Variants in C6orf62 observed in about 807,000 individuals in gnomAD.
The protein encoded by C6orf62 is chromosome 6 open reading frame 62, also known as uncharacterized protein C6orf62.
Under a neutral mutation model 26.8 loss-of-function variants are expected in C6orf62, and 16 were observed. The ratio of observed to expected loss-of-function variants is 0.60; its 90% CI spans 0.40 to 0.91. C6orf62 has a LOEUF of 0.91. C6orf62 is among the 40% of genes least tolerant of loss of function. C6orf62 has a pLI of 0.00. For missense variants in C6orf62, 192 were observed against 271.4 expected, an observed-to-expected ratio of 0.71 and a Z score of 2.06; for synonymous variants, 112 against 91.5, an observed-to-expected ratio of 1.22 and a Z score of -1.28.
rs9689598 is a variant in C6orf62 at position 24,717,597 on chromosome 6, T to C, written c.129+943A>G. Among the ~76,000 whole-genome samples the C allele has an allele frequency of 1.1e-3, 168 of 152,306 alleles. 1 individual carries two copies. Among genetic ancestry groups the C allele is most frequent in the African/African-American group, 3.7e-3 (154 of 41,572 alleles). On this transcript the variant is annotated intron_variant, in intron 1 of 4. Coordinates refer to ENST00000378119, the MANE Select transcript of C6orf62 (RefSeq NM_030939.5). Reference sequence around the variant, plus strand: ...TCACTTTAGCCCAGGAGTTCAAGACTAGCCTGGGCAATACAGTGAGGCCTG... The same window carrying C: ...TCACTTTAGCCCAGGAGTTCAAGACCAGCCTGGGCAATACAGTGAGGCCTG...
At position 24,706,221 on chromosome 6, in the gene C6orf62, G is replaced by A. The variant is rs1779006635; in HGVS notation, c.606C>T (p.Ile202=). 1.9e-6 allele frequency: 3 copies of A among 1,614,120 alleles called. No homozygotes were observed. Among genetic ancestry groups the A allele is most frequent in the Non-Finnish European group, 2.5e-6 (3 of 1,180,052 alleles). The change falls in exon 5 of 5, where the codon ATC becomes ATT. Residue 202 remains isoleucine, a synonymous_variant. Coordinates refer to ENST00000378119, the MANE Select transcript of C6orf62 (RefSeq NM_030939.5). ...GCTGTTCCTGTGGCAGGTAGAGGCA[G>A]ATGCTGCATAACTTGAAGATTGTAG... The part of the protein sequence containing the change: ...NKATIFKLCS[I]CLYLPQEQLT...
At chr6:24,707,219 A>G (rs1400247300) in intron 4 of C6orf62, 2 of 152,184 alleles carry the variant, frequency 1.3e-5, no homozygotes, top group Non-Finnish European at 2.9e-5. Context: ...TAGGATTATC[A>G]TTTGTTCAAT....
At chr6:24,719,616 C>G (rs987631167), upstream of C6orf62, 82 of 1,428,794 alleles carry the variant, frequency 5.7e-5, no homozygotes, top group Non-Finnish European at 7.3e-5. Context: ...GTGGTTAGAC[C>G]TGATTAATGC....
At chr6:24,714,854 G>GC (rs1450928121) in intron 2 of C6orf62, among the ~76,000 whole-genome samples, 3 of 152,074 alleles carry the variant, frequency 2.0e-5, no homozygotes, top group Admixed American at 6.5e-5. Flanking sequence ...CCTGACCTCA[G>GC]GTGATCCACC....
chr6:24,715,702 G>T (rs2127635496), intron 2 of C6orf62, among the ~76,000 whole-genome samples: 1 of 151,954 alleles, frequency 6.6e-6, no homozygotes, highest in African/African-American at 2.4e-5. Context: ...CAAAAAATTA[G>T]CCAGGCATGG....
chr6:24,719,533 C>A (rs1779309795), upstream of C6orf62: 33 of 1,178,722 alleles, frequency 2.8e-5, no homozygotes, highest in Non-Finnish European at 3.5e-5. Flanking sequence ...CGGCTGCTAA[C>A]GCTGCTGCCA....
intron 4 of C6orf62, among the ~76,000 whole-genome samples, chr6:24,706,493 A>G (rs1779012336): frequency 1.3e-5 from 2 of 152,252 alleles, no homozygotes; most frequent in South Asian, 4.1e-4. Context: ...ACTACTTGCT[A>G]GAAGAAATTA....
chr6:24,720,270 TGGCGGCGGCGGAAGAGGCGGC>T, upstream of C6orf62: 1 of 1,294,558 alleles, frequency 7.7e-7, no homozygotes, highest in African/African-American at 1.6e-5. Context: ...GGCGGAGCGG[TGGCGGCGGCGGAAGAGGCGGC>T]GGCGGCGGGG....
intron 1 of C6orf62, among the ~76,000 whole-genome samples, chr6:24,716,569 C>T (rs558818225): frequency 6.6e-6 from 1 of 152,250 alleles, no homozygotes; most frequent in South Asian, 2.1e-4. Context: ...ATAATGGTAT[C>T]CATAGCACTA....
At chr6:24,719,385 G>A (rs935318615), upstream of C6orf62, 5 of 1,008,288 alleles carry the variant, frequency 5.0e-6, no homozygotes, top group Non-Finnish European at 3.6e-6. Context: ...GGTAGAGAAG[G>A]AAAGGGAGAG....
chr6:24,708,235 G>C (rs1162338637), intron 4 of C6orf62, among the ~76,000 whole-genome samples: 1 of 140,994 alleles, frequency 7.1e-6, no homozygotes, highest in Non-Finnish European at 1.5e-5. Context: ...AGCTTCGAAG[G>C]AGGTGGGTTT....
intron 3 of C6orf62, among the ~76,000 whole-genome samples, chr6:24,711,526 G>A (rs966397167): frequency 3.9e-5 from 6 of 152,116 alleles, no homozygotes; most frequent in African/African-American, 1.4e-4. Flanking sequence ...CAGGCACGGT[G>A]ACTCACACCT....
chr6:24,710,173 A>G, intron 3 of C6orf62: 1 of 981,814 alleles, frequency 1.0e-6, no homozygotes, highest in Non-Finnish European at 1.2e-6. Flanking sequence ...GGGGCTTATT[A>G]TACTGCTGAA....
intron 4 of C6orf62, among the ~76,000 whole-genome samples, chr6:24,706,548 T>A (rs541235932): frequency 6.6e-6 from 1 of 152,318 alleles, no homozygotes; most frequent in South Asian, 2.1e-4. Flanking sequence ...AAGTTTGAAG[T>A]CATTTTTATA....
intron 3 of C6orf62, among the ~76,000 whole-genome samples, chr6:24,713,512 C>T (rs1322878693): frequency 1.3e-5 from 2 of 152,068 alleles, no homozygotes; most frequent in African/African-American, 4.8e-5. Context: ...TCACAATTAG[C>T]TTAAAATAAA....
At chr6:24,719,912 A>G (rs941221832), upstream of C6orf62, 2 of 1,548,396 alleles carry the variant, frequency 1.3e-6, no homozygotes, top group South Asian at 1.2e-5. Context: ...TTCATCGTGG[A>G]AACAATTCCC....
upstream of C6orf62, chr6:24,719,749 G>A (rs1364479965): frequency 1.3e-6 from 2 of 1,541,750 alleles, no homozygotes; most frequent in Non-Finnish European, 8.7e-7. Context: ...GCATTGCCGA[G>A]GCAAAGGTGG....
intron 4 of C6orf62, among the ~76,000 whole-genome samples, chr6:24,707,662 T>C (rs1581393312): frequency 6.6e-6 from 1 of 152,084 alleles, no homozygotes; most frequent in Non-Finnish European, 1.5e-5. Context: ...GAAGTGCTTA[T>C]TTGAAATAAA....
At chr6:24,720,013 GCC>G, upstream of C6orf62, 5 of 1,479,412 alleles carry the variant, frequency 3.4e-6, no homozygotes, top group Non-Finnish European at 4.5e-6. Flanking sequence ...TCTAAAGTAA[GCC>G]CACCCACCCT....
Sources: gnomAD v4.1 joint callset for allele counts (sites outside exome capture counted in the v4.1 genomes callset) on GRCh38, gnomAD v4.1.1 for gene constraint, MANE v1.5 for transcripts, NCBI Gene and HGNC (gene_info 2026-07-23, HGNC 2026-07-21) for gene names.